USO1: variants seen among roughly 807,000 people sequenced by gnomAD.
USO1 encodes the protein general vesicular transport factor p115.
Under a neutral mutation model 124.5 loss-of-function variants are expected in USO1, and 57 were observed. The observed-to-expected ratio is 0.46, with a 90% CI of 0.37 to 0.57. The LOEUF (loss-of-function observed/expected upper bound fraction) is 0.57. USO1 is among the 20% of genes least tolerant of loss of function. The pLI is 0.00. For missense variants in USO1, 900 were observed against 1,040.6 expected (o/e 0.86, Z 1.86); for synonymous variants, 369 against 362.8 (o/e 1.02, Z -0.19).
At chr4:75,794,891 T>C (rs780585902) in intron 13 of USO1, among the ~76,000 whole-genome samples, 59 of 152,252 alleles carry the variant, frequency 3.9e-4, no homozygotes, top group African/African-American at 1.4e-3. Flanking sequence ...TCTTTATCAC[T>C]TATCTCTTAG....
chr4:75,777,729 T>C (rs1329001176), intron 8 of USO1, among the ~76,000 whole-genome samples: 1 of 152,190 alleles, frequency 6.6e-6, no homozygotes, highest in Non-Finnish European at 1.5e-5. Context: ...AAAAACACAT[T>C]TGTTGCTGAT....
At chr4:75,728,255 ATG>A (rs1720522511) in intron 1 of USO1, among the ~76,000 whole-genome samples, 1 of 151,890 alleles carries the variant, frequency 6.6e-6, no homozygotes, top group African/African-American at 2.4e-5. Context: ...TATCTTTTAA[ATG>A]TGTGAGAGTT....
At chr4:75,738,490 T>A (rs990582921) in intron 1 of USO1, among the ~76,000 whole-genome samples, 1 of 152,076 alleles carries the variant, frequency 6.6e-6, no homozygotes, top group Admixed American at 6.6e-5. Context: ...TTTGTTTGTT[T>A]GTTTTGAGAC....
intron 1 of USO1, chr4:75,729,991 C>G (rs1045879829): frequency 2.7e-6 from 1 of 368,716 alleles, no homozygotes; most frequent in Non-Finnish European, 5.3e-6. Flanking sequence ...GTCTGAAATT[C>G]CTATTTGGGT....
intron 4 of USO1, among the ~76,000 whole-genome samples, chr4:75,757,930 A>G (rs984085947): frequency 6.6e-6 from 1 of 152,150 alleles, no homozygotes; most frequent in Non-Finnish European, 1.5e-5. Flanking sequence ...TGAGCAATAT[A>G]AAATTAGAGA....
chr4:75,760,456 T>C, intron 4 of USO1: 1 of 370,122 alleles, frequency 2.7e-6, no homozygotes, highest in Non-Finnish European at 4.8e-6. Context: ...CCAAAGTACA[T>C]ATGGATCTCT....
chr4:75,800,331 C>T lies in USO1; in HGVS notation c.1564-20C>T, dbSNP rs759015713. The T allele has an allele frequency of 2.6e-6, 4 of 1,560,546 alleles. No individual in the cohort carries two copies. In the South Asian group the frequency reaches 4.8e-5, roughly 19 times the overall value. The stretch of plus-strand genomic sequence containing the variant: ...GTACTAGATATTTTCAATCCTTAGC[C>T]TCCTTAACAAAGATTTCAGCTTACA... On this transcript the variant is annotated intron_variant, in intron 14 of 23. Coordinates refer to ENST00000514213, the MANE Select transcript of USO1 (RefSeq NM_003715.4).
rs1408985879 is a variant in USO1, at chr4:75,812,315, G to A, written c.2739G>A (p.Leu913=). The A allele has an allele frequency of 6.2e-7, 1 of 1,605,368 alleles. No homozygotes were observed. The highest frequency in any genetic ancestry group is 1.3e-5 in the African/African-American group (1 of 74,822). Residue 913 remains leucine, a synonymous_variant, in exon 23 of 24, where the codon TTG becomes TTA. Transcript: ENST00000514213. ...AACAAGATGATCTCTTGGTGCTCTTGGCCGATCAAGATCAGAAAATACTGT... is the reference window on the plus strand; with the variant it reads ...AACAAGATGATCTCTTGGTGCTCTTAGCCGATCAAGATCAGAAAATACTGT... The part of the protein sequence containing the change: ...KKEQDDLLVL[L]ADQDQKILSL...
At position 75,757,491 on chromosome 4, in the gene USO1, T is replaced by G. The variant is rs766288188; in HGVS notation, c.219-6T>G. 1 of 1,496,552 alleles carries G rather than the reference T, an allele frequency of 6.7e-7. No individual in the cohort carries two copies. Among genetic ancestry groups the G allele is most frequent in the South Asian group, 1.3e-5 (1 of 76,792 alleles). 92.7% of individuals were successfully genotyped at this position (1,496,552 alleles called of 1,614,324 possible). A position where few individuals can be genotyped will look rare whatever the true frequency, so the allele number is the denominator to read the frequency against. On this transcript the variant is annotated splice_region_variant and splice_polypyrimidine_tract_variant and intron_variant, in intron 3 of 23. Coordinates refer to ENST00000514213, the MANE Select transcript of USO1 (RefSeq NM_003715.4). ...GTGTATAAGTGTAATAATTTCTTTT[T>G]TCCAGTTCAGATTCTGAAATAATAG...
Position 75,724,869 on chromosome 4 carries a change from A to C in USO1, c.50A>C (p.His17Pro). The C allele has an allele frequency of 3.1e-6, 5 of 1,613,622 alleles. No homozygotes were observed. Among genetic ancestry groups the C allele is most frequent in the Non-Finnish European group, 4.2e-6 (5 of 1,179,704 alleles). The change falls in exon 1 of 24, where the codon CAC becomes CCC. Residue 17 changes from histidine (H) to proline (P), a missense_variant. Physicochemically the swap from His to Pro is moderately conservative, Grantham distance 77. Transcript: ENST00000514213. ...GGGGGTCAGAGTGCCGGACCCCAGC[A>C]CACAGAAGCCGAGACGGTGAGAGGA... ...VMGGQSAGPQ[H>P]TEAETIQKLC...
intron 12 of USO1, among the ~76,000 whole-genome samples, chr4:75,791,643 A>T (rs1722536550): frequency 6.6e-6 from 1 of 152,192 alleles, no homozygotes; most frequent in African/African-American, 2.4e-5. Flanking sequence ...TAAATATTTC[A>T]TCTTACCTAA....
chr4:75,776,714 A>G (rs1321827843), intron 8 of USO1, among the ~76,000 whole-genome samples: 8 of 152,112 alleles, frequency 5.3e-5, no homozygotes, highest in Non-Finnish European at 1.2e-4. Context: ...GGCAGACCAT[A>G]TTTAATAGAT....
chr4:75,761,170 AAATT>A (rs1721595138), intron 4 of USO1, among the ~76,000 whole-genome samples: 1 of 152,228 alleles, frequency 6.6e-6, no homozygotes, highest in South Asian at 2.1e-4. Context: ...TAATAAATAA[AAATT>A]AAAGCTTTTT....
intron 1 of USO1, among the ~76,000 whole-genome samples, chr4:75,733,935 ATTTTTTTTTTTTTTT>A (rs869308522): frequency 1.3e-5 from 1 of 77,112 alleles, no homozygotes; most frequent in Admixed American, 1.7e-4. Context: ...TTCTTCGAGG[ATTTTTTTTTTTTTTT>A]TTTTTTTTTT....
intron 1 of USO1, among the ~76,000 whole-genome samples, chr4:75,725,583 C>G (rs1206546756): frequency 6.7e-6 from 1 of 149,928 alleles, no homozygotes; most frequent in Non-Finnish European, 1.5e-5. Flanking sequence ...CGCTTTCTGC[C>G]TGAACTCCTA....
At chr4:75,779,439 G>A (rs944876670) in intron 8 of USO1, among the ~76,000 whole-genome samples, 1 of 152,226 alleles carries the variant, frequency 6.6e-6, no homozygotes, top group Admixed American at 6.5e-5. Context: ...GAATGCAAAG[G>A]AAACGTTCTT....
At chr4:75,773,559 A>C (rs1358485712) in intron 7 of USO1, among the ~76,000 whole-genome samples, 1 of 152,014 alleles carries the variant, frequency 6.6e-6, no homozygotes, top group Non-Finnish European at 1.5e-5. Context: ...TTTGGGGAAC[A>C]GTTTTTGGGG....
chr4:75,772,476 A>G (rs921832059), intron 7 of USO1, among the ~76,000 whole-genome samples: 9 of 151,934 alleles, frequency 5.9e-5, no homozygotes, highest in African/African-American at 1.2e-4. Context: ...TGACCTTGTG[A>G]TCCACCCACC....
Position 75,787,175 on chromosome 4 carries a change from T to G in USO1, c.969T>G (p.Thr323=). The change falls in exon 10 of 24, where the codon ACT becomes ACG. Residue 323 remains threonine, a synonymous_variant. Coordinates refer to ENST00000514213, the MANE Select transcript of USO1 (RefSeq NM_003715.4). ...LQQLCTILMA[T]GVPADILTET... The stretch of plus-strand genomic sequence containing the variant: ...AGCTTTGTACTATCCTAATGGCTAC[T>G]GGGGTTCCTGCTGATATCCTGACTG... The G allele has an allele frequency of 3.8e-6, 6 of 1,563,328 alleles. No homozygotes were observed. The highest frequency in any genetic ancestry group is 5.2e-6 in the Non-Finnish European group (6 of 1,157,492).
Sources: gnomAD v4.1 joint callset for allele counts (sites outside exome capture counted in the v4.1 genomes callset) on GRCh38, gnomAD v4.1.1 for gene constraint, MANE v1.5 for transcripts, NCBI Gene and HGNC (gene_info 2026-07-23, HGNC 2026-07-21) for gene names.